The following SGCD variants were observed in gnomAD, a reference collection of about 807,000 sequenced individuals.
SGCD encodes sarcoglycan delta, also known as delta-sarcoglycan.
In SGCD, 18 loss-of-function variants were observed where a neutral mutation model predicts 36.6. The ratio of observed to expected loss-of-function variants is 0.49; its 90% CI spans 0.34 to 0.73. SGCD has a LOEUF of 0.73. Among genes scored for constraint, SGCD ranks in the 30% least tolerant of loss-of-function variants. SGCD has a pLI of 0.01. For synonymous variants in SGCD, 133 were observed against 130.6 expected (o/e 1.02, Z -0.12); for missense variants, 387 against 346.7 (o/e 1.12, Z -0.92).
At chr5:156,631,256 C>T (rs1009236868) in intron 6 of SGCD, among the ~76,000 whole-genome samples, 1 of 152,092 alleles carries the variant, frequency 6.6e-6, no homozygotes, top group African/African-American at 2.4e-5. Context: ...AATGTATTTA[C>T]ATTAAAGCAT....
At chr5:156,264,557 C>T (rs1171068982) in intron 3 of SGCD, among the ~76,000 whole-genome samples, 1 of 152,162 alleles carries the variant, frequency 6.6e-6, no homozygotes, top group East Asian at 1.9e-4. Flanking sequence ...GAGATTATCA[C>T]TTTGTTTTAA....
At chr5:156,486,581 G>T (rs1755671080) in intron 3 of SGCD, among the ~76,000 whole-genome samples, 1 of 152,134 alleles carries the variant, frequency 6.6e-6, no homozygotes, top group African/African-American at 2.4e-5. Context: ...ACCCACTGAT[G>T]TCAATGCCTG....
chr5:155,947,310 TGTGTGTG>T (rs1757458255), intron 1 of SGCD, among the ~76,000 whole-genome samples: 1 of 144,796 alleles, frequency 6.9e-6, no homozygotes, highest in Non-Finnish European at 1.6e-5. Flanking sequence ...TGTGTGTGTG[TGTGTGTG>T]TGTGTGTGTG....
At chr5:156,627,220 A>G (rs982166415) in intron 6 of SGCD, among the ~76,000 whole-genome samples, 4 of 152,140 alleles carry the variant, frequency 2.6e-5, no homozygotes, top group Non-Finnish European at 4.4e-5. Context: ...TTGTCATGAA[A>G]ATGTGGAAGG....
intron 6 of SGCD, among the ~76,000 whole-genome samples, chr5:156,600,877 T>C (rs1235477124): frequency 3.3e-5 from 5 of 152,234 alleles, no homozygotes; most frequent in Admixed American, 2.0e-4. Context: ...TGGAGAGAGA[T>C]GGTATCTCAT....
chr5:156,343,875 G>C (rs369128047), intron 2 of SGCD, among the ~76,000 whole-genome samples: 1 of 152,094 alleles, frequency 6.6e-6, no homozygotes, highest in Non-Finnish European at 1.5e-5. Flanking sequence ...ACTAACTCAG[G>C]GGGTAGTTAG....
chr5:155,989,228 G>A (rs1020240735), intron 1 of SGCD, among the ~76,000 whole-genome samples: 2 of 152,114 alleles, frequency 1.3e-5, no homozygotes, highest in Non-Finnish European at 2.9e-5. Flanking sequence ...GGCTTTGTAG[G>A]TTATGTGGTT....
At chr5:155,832,213 T>C in the SGCD span, among the ~76,000 whole-genome samples, 2 of 152,200 alleles carry the variant, frequency 1.3e-5, no homozygotes, top group African/African-American at 4.8e-5. Context: ...AGATCCATTG[T>C]AGCTTTATGA....
chr5:156,663,745 C>T (rs955782698), intron 7 of SGCD, among the ~76,000 whole-genome samples: 2 of 147,232 alleles, frequency 1.4e-5, no homozygotes, highest in Non-Finnish European at 3.0e-5. Flanking sequence ...CCCCTGGAAG[C>T]AGAGAGACTG....
chr5:155,832,535 A>G, the SGCD span, among the ~76,000 whole-genome samples: 1 of 152,088 alleles, frequency 6.6e-6, no homozygotes, highest in Non-Finnish European at 1.5e-5. Context: ...GCCTCTCTGT[A>G]TACCAAGCCC....
At chr5:155,807,483 G>A in the SGCD span, among the ~76,000 whole-genome samples, 1 of 152,244 alleles carries the variant, frequency 6.6e-6, no homozygotes, top group East Asian at 1.9e-4. Flanking sequence ...GGGCCAGCCA[G>A]TAAATTGTGT....
Position 156,474,786 on chromosome 5 carries a change from T to C in SGCD, c.193-33815T>C, listed in dbSNP as rs1158425740. Among the ~76,000 whole-genome samples, 12 of 152,170 alleles carry C rather than the reference T, an allele frequency of 7.9e-5. No individual in the cohort carries two copies. In the South Asian group the frequency reaches 2.3e-3, roughly 29 times the overall value. On this transcript the variant is annotated intron_variant, in intron 3 of 8. Coordinates refer to ENST00000337851, the MANE Select transcript of SGCD (RefSeq NM_000337.6). ...TGCCCAGTGAGTGCCAGAGTTAGTT[T>C]GGCCTATTTTGCCATGATATTAGGA...
At chr5:155,804,732 G>A in the SGCD span, among the ~76,000 whole-genome samples, 3 of 152,224 alleles carry the variant, frequency 2.0e-5, no homozygotes, top group African/African-American at 7.2e-5. Flanking sequence ...AACCGTGAAA[G>A]AGGAATTTTC....
intron 3 of SGCD, among the ~76,000 whole-genome samples, chr5:156,426,062 T>C (rs902935564): frequency 6.6e-6 from 1 of 152,124 alleles, no homozygotes; most frequent in African/African-American, 2.4e-5. Context: ...TTATTTTCCT[T>C]TGGGTGGATA....
intron 3 of SGCD, among the ~76,000 whole-genome samples, chr5:156,202,864 A>G (rs986006845): frequency 6.6e-6 from 1 of 151,560 alleles, no homozygotes; most frequent in Admixed American, 6.6e-5. Flanking sequence ...CTCTTGTGAC[A>G]TAACAGTGTT....
At chr5:155,756,318 A>G in the SGCD span, among the ~76,000 whole-genome samples, 4 of 152,344 alleles carry the variant, frequency 2.6e-5, no homozygotes, top group Non-Finnish European at 5.9e-5. Context: ...ACATGTGAAA[A>G]TTAGTTGGAA....
intron 7 of SGCD, among the ~76,000 whole-genome samples, chr5:156,719,044 T>G (rs1177865634): frequency 6.6e-6 from 1 of 152,140 alleles, no homozygotes; most frequent in Non-Finnish European, 1.5e-5. Context: ...CCTTCTCTTA[T>G]GTTTATGTAT....
chr5:156,293,815 T>G (rs1766822942), intron 3 of SGCD, among the ~76,000 whole-genome samples: 1 of 152,090 alleles, frequency 6.6e-6, no homozygotes, highest in Non-Finnish European at 1.5e-5. Flanking sequence ...AGGTTCCATG[T>G]GAATTCTAGC....
intron 4 of SGCD, among the ~76,000 whole-genome samples, chr5:156,551,199 C>G (rs778263831): frequency 5.9e-5 from 9 of 152,194 alleles, no homozygotes; most frequent in Non-Finnish European, 7.3e-5. Flanking sequence ...CCTGTCTCAT[C>G]CTTCACTTTA....
Sources: allele counts gnomAD v4.1 joint callset (sites outside exome capture counted in the v4.1 genomes callset), GRCh38; gene constraint gnomAD v4.1.1; transcripts MANE v1.5; gene names NCBI Gene and HGNC (gene_info 2026-07-23, HGNC 2026-07-21).